The following ABCD3 variants were observed in gnomAD, a reference collection of about 807,000 sequenced individuals.
The protein encoded by ABCD3 is ATP-binding cassette sub-family D member 3.
A neutral mutation model predicts 105.5 loss-of-function variants in ABCD3; 41 were observed. The ratio of observed to expected loss-of-function variants is 0.39; its 90% CI spans 0.30 to 0.50. The LOEUF (loss-of-function observed/expected upper bound fraction) is 0.50. ABCD3 is among the 20% of genes least tolerant of loss of function. ABCD3 has a pLI of 0.84. For synonymous variants in ABCD3, 258 were observed against 269.0 expected, an observed-to-expected ratio of 0.96 and a Z score of 0.40; for missense variants, 622 against 806.3, an observed-to-expected ratio of 0.77 and a Z score of 2.77.
At chr1:94,502,345 A>G (rs1433638422) in intron 20 of ABCD3, among the ~76,000 whole-genome samples, 1 of 152,164 alleles carries the variant, frequency 6.6e-6, no homozygotes, top group African/African-American at 2.4e-5. Context: ...TCTACTTTTC[A>G]AAGAAAGATA....
At chr1:94,462,842 T>C (rs984761296) in intron 2 of ABCD3, among the ~76,000 whole-genome samples, 1 of 152,140 alleles carries the variant, frequency 6.6e-6, no homozygotes, top group Non-Finnish European at 1.5e-5. Flanking sequence ...GGAGTGGTGA[T>C]GGCGATAGGA....
chr1:94,423,717 G>T (rs2100869956), intron 1 of ABCD3, among the ~76,000 whole-genome samples: 1 of 152,074 alleles, frequency 6.6e-6, no homozygotes, highest in South Asian at 2.1e-4. Context: ...GAAATTTCTT[G>T]ACTTTTTTTT....
At chr1:94,464,589 A>G (rs1648044874) in intron 2 of ABCD3, among the ~76,000 whole-genome samples, 186 bp from the exon 3 acceptor site, 1 of 152,058 alleles carries the variant, frequency 6.6e-6, no homozygotes, top group Non-Finnish European at 1.5e-5. Context: ...TTCAGTTTTT[A>G]GATAACATTG....
intron 4 of ABCD3, chr1:94,472,086 C>T (rs894861199): frequency 9.0e-6 from 3 of 333,242 alleles, no homozygotes; most frequent in Non-Finnish European, 8.6e-6. Context: ...TTACCAAACT[C>T]TCTTTTATAA....
rs535611444 is a variant in ABCD3 at position 94,486,145 on chromosome 1, T to C, written c.898-1397T>C. ...AGGCGGAGGTTGCATTGAGCCAAGA[T>C]GGCACCACTGCACTCCAGCCTTGGC... is the stretch of plus-strand genomic sequence containing the variant. On this transcript the variant is annotated intron_variant, in intron 10 of 22. Coordinates refer to ENST00000370214, the MANE Select transcript of ABCD3 (RefSeq NM_002858.4). 3.0e-4 allele frequency among the ~76,000 whole-genome samples: 45 copies of C among 152,200 alleles called. No homozygotes were observed. The South Asian group carries it at 9.3e-3, about 32-fold the overall frequency.
chr1:94,497,716 A>G (rs1481975911), intron 16 of ABCD3, among the ~76,000 whole-genome samples: 1 of 152,250 alleles, frequency 6.6e-6, no homozygotes, highest in Admixed American at 6.5e-5. Flanking sequence ...TTACTGTTAC[A>G]TAAGTTGCTG....
In ABCD3 at chr1:94,418,577, C is replaced by T. The variant is rs1659118668; in HGVS notation, c.99C>T (p.Leu33=). Residue 33 remains leucine (L), a synonymous_variant, in exon 1 of 23, where the codon CTC becomes CTT. Transcript: ENST00000370214. The stretch of plus-strand genomic sequence containing the variant: ...TGCTCCACAAGCGGCGCCGCGCCCT[C>T]GGCCTGCACGGGTAAGAAGGCCCGT... ...LCLLHKRRRA[L]GLHGKKSGKP... 5 of 1,597,660 alleles carry T rather than the reference C, an allele frequency of 3.1e-6. No homozygotes were observed. Among genetic ancestry groups the T allele is most frequent in the Middle Eastern group, 1.7e-4 (1 of 5,888 alleles).
At chr1:94,473,234 CTTTTGTT>C (rs1413748429) in intron 4 of ABCD3, among the ~76,000 whole-genome samples, 1 of 152,128 alleles carries the variant, frequency 6.6e-6, no homozygotes, top group Non-Finnish European at 1.5e-5. Context: ...TTCTTGGCTG[CTTTTGTT>C]TTACAGTGGC....
Position 94,498,692 on chromosome 1 carries a change from T to C in ABCD3, c.1464+13T>C. ...TGTTCTTGGTGAAGTAAGTACAAGT[T>C]GGCCTCAAAATTTTGCAGTCTTATT... is the stretch of plus-strand genomic sequence containing the variant. On this transcript the variant is annotated intron_variant, in intron 17 of 22. Coordinates refer to ENST00000370214, the MANE Select transcript of ABCD3 (RefSeq NM_002858.4). 1 of 1,613,856 alleles carries C rather than the reference T, an allele frequency of 6.2e-7. No homozygotes were observed. The highest frequency in any genetic ancestry group is 8.5e-7 in the Non-Finnish European group (1 of 1,179,950).
intron 10 of ABCD3, among the ~76,000 whole-genome samples, chr1:94,486,200 A>G (rs942265788): frequency 5.3e-5 from 8 of 152,080 alleles, no homozygotes; most frequent in African/African-American, 1.9e-4. Context: ...TCAAAAAGTA[A>G]ATAAAGTGTA....
At chr1:94,467,051 C>G (rs1648174337) in intron 3 of ABCD3, among the ~76,000 whole-genome samples, 5 of 152,178 alleles carry the variant, frequency 3.3e-5, no homozygotes, top group Admixed American at 3.3e-4. Flanking sequence ...TCTTGACTTT[C>G]CCTGCTTCGT....
chr1:94,449,845 T>C (rs1660506963), intron 1 of ABCD3, among the ~76,000 whole-genome samples: 1 of 152,210 alleles, frequency 6.6e-6, no homozygotes, highest in South Asian at 2.1e-4. Flanking sequence ...CAAGAGTTCC[T>C]ATTATCTGGA....
chr1:94,433,350 C>A (rs1659763580), intron 1 of ABCD3, among the ~76,000 whole-genome samples: 1 of 151,874 alleles, frequency 6.6e-6, no homozygotes, highest in Admixed American at 6.6e-5. Flanking sequence ...GACGGGATTT[C>A]TCCATTTTGG....
rs2100996153 is a variant in ABCD3 at position 94,475,172 on chromosome 1, T to C, written c.435T>C (p.Tyr145=). Residue 145 remains tyrosine, a synonymous_variant, in exon 6 of 23, where the codon TAT becomes TAC. Coordinates refer to ENST00000370214, the MANE Select transcript of ABCD3 (RefSeq NM_002858.4). ...LISLVNNFLK[Y]GLNELKLCFR... The stretch of plus-strand genomic sequence containing the variant: ...CTCTGGTTAATAACTTCTTGAAGTA[T>C]GGGTTAAATGAGCTTAAACTGTGCT... The C allele has an allele frequency of 3.1e-6, 5 of 1,604,368 alleles. No individual in the cohort carries two copies. In the South Asian group the frequency reaches 5.6e-5, roughly 18 times the overall value.
chr1:94,436,483 T>C (rs532589894), intron 1 of ABCD3, among the ~76,000 whole-genome samples: 1 of 152,332 alleles, frequency 6.6e-6, no homozygotes, highest in South Asian at 2.1e-4. Flanking sequence ...CCTTATTTTT[T>C]GGTTGTACTG....
At chr1:94,430,819 TAAAATTAAATATGACTTTAATTTTA>T (rs1054710692) in intron 1 of ABCD3, among the ~76,000 whole-genome samples, 6 of 152,222 alleles carry the variant, frequency 3.9e-5, no homozygotes, top group African/African-American at 1.4e-4. Flanking sequence ...AAAGCTGTTT[TAAAATTAAATATGACTTTAATTTTA>T]AAAATTAAAC....
intron 21 of ABCD3, among the ~76,000 whole-genome samples, chr1:94,511,198 ATC>A (rs905699913): frequency 6.7e-6 from 1 of 150,178 alleles, no homozygotes; most frequent in African/African-American, 2.5e-5. Flanking sequence ...TGGTGACAAA[ATC>A]TCTCAGCATT....
chr1:94,401,398 A>G, the ABCD3 span, among the ~76,000 whole-genome samples: 1 of 152,230 alleles, frequency 6.6e-6, no homozygotes, highest in Non-Finnish European at 1.5e-5. Context: ...TATGTATGAA[A>G]CAAAATCTCC....
chr1:94,504,725 G>A (rs1425320201), intron 20 of ABCD3, among the ~76,000 whole-genome samples: 1 of 152,178 alleles, frequency 6.6e-6, no homozygotes, highest in East Asian at 1.9e-4. Context: ...AAGCCAGAGA[G>A]TGAAGTTCCC....
Sources: gnomAD v4.1 joint callset for allele counts (sites outside exome capture counted in the v4.1 genomes callset) on GRCh38, gnomAD v4.1.1 for gene constraint, MANE v1.5 for transcripts, NCBI Gene and HGNC (gene_info 2026-07-23, HGNC 2026-07-21) for gene names.